TRHDE: variants seen among roughly 807,000 people sequenced by gnomAD.
TRHDE encodes the protein thyrotropin releasing hormone degrading enzyme, also known as thyrotropin-releasing hormone-degrading ectoenzyme.
In TRHDE, 72 loss-of-function variants were observed where a neutral mutation model predicts 125.7. That is an observed-to-expected ratio of 0.57 (90% CI 0.47 to 0.70). TRHDE has a LOEUF of 0.70. Among genes scored for constraint, TRHDE ranks in the 30% least tolerant of loss-of-function variants. The pLI is 0.00. For missense variants in TRHDE, 1,110 were observed against 1,327.1 expected, an observed-to-expected ratio of 0.84 and a Z score of 2.54; for synonymous variants, 509 against 509.1, an observed-to-expected ratio of 1.00 and a Z score of 0.00.
rs553447648 is a variant in TRHDE at position 72,504,139 on chromosome 12, C to G, written c.1722+4504C>G. ...GGAGTAGAGGGGAACTGTAAAAAAA[C>G]AAGAAAATCATTCTTTAGAGGAAGC... is the stretch of plus-strand genomic sequence containing the variant. On this transcript the variant is annotated intron_variant, in intron 6 of 18. Transcript: ENST00000261180. Among the ~76,000 whole-genome samples the G allele has an allele frequency of 3.6e-4, 54 of 151,920 alleles. 1 individual carries two copies. In the South Asian group the frequency reaches 0.011, roughly 31 times the overall value.
chr12:72,343,936 C>T (rs187241599), intron 2 of TRHDE, among the ~76,000 whole-genome samples: 1 of 151,884 alleles, frequency 6.6e-6, no homozygotes, highest in African/African-American at 2.4e-5. Flanking sequence ...TCTGTCTAAA[C>T]CAGTTTTATG....
At chr12:72,644,351 C>T (rs879076441) in intron 15 of TRHDE, among the ~76,000 whole-genome samples, 2 of 152,104 alleles carry the variant, frequency 1.3e-5, no homozygotes, top group Admixed American at 1.3e-4. Flanking sequence ...AGAAGACTGG[C>T]TTCTGTCTTG....
rs1872483104 is a variant in TRHDE, at chr12:72,607,238, C to T, written c.2322-11653C>T. Among the ~76,000 whole-genome samples, 5 of 152,302 alleles carry T rather than the reference C, an allele frequency of 3.3e-5. No individual in the cohort carries two copies. The South Asian group carries it at 1.0e-3, about 32-fold the overall frequency. ...TATGTGTTCCTCTGTCCCCTCTTTTCCCTGTAAATCGGTAACTGAATCTAG... is the reference window on the plus strand; with the variant it reads ...TATGTGTTCCTCTGTCCCCTCTTTTTCCTGTAAATCGGTAACTGAATCTAG... On this transcript the variant is annotated intron_variant, in intron 12 of 18. Coordinates refer to ENST00000261180, the MANE Select transcript of TRHDE (RefSeq NM_013381.3).
chr12:72,628,569 A>T (rs1213001050), intron 15 of TRHDE, among the ~76,000 whole-genome samples: 1 of 151,862 alleles, frequency 6.6e-6, no homozygotes, highest in African/African-American at 2.4e-5. Flanking sequence ...GAGGAGCAAA[A>T]ATCCCAGTAA....
intron 2 of TRHDE, among the ~76,000 whole-genome samples, chr12:72,296,549 ATAGC>A (rs1880306715): frequency 6.6e-6 from 1 of 151,158 alleles, no homozygotes; most frequent in Non-Finnish European, 1.5e-5. Flanking sequence ...CATAGCTAGG[ATAGC>A]TAGGTAGGGC....
At chr12:72,600,974 C>T (rs1051294191) in intron 12 of TRHDE, among the ~76,000 whole-genome samples, 21 of 152,014 alleles carry the variant, frequency 1.4e-4, no homozygotes, top group Non-Finnish European at 7.4e-5. Flanking sequence ...ATAATTTTGA[C>T]TTTTAAGTCT....
At chr12:72,603,603 T>C (rs1002833213) in intron 12 of TRHDE, among the ~76,000 whole-genome samples, 2 of 152,018 alleles carry the variant, frequency 1.3e-5, no homozygotes, top group African/African-American at 4.8e-5. Context: ...CAGGCGCCTG[T>C]AGTCCCAGCT....
chr12:72,635,677 G>A (rs1276961704), intron 15 of TRHDE, among the ~76,000 whole-genome samples: 1 of 150,130 alleles, frequency 6.7e-6, no homozygotes, highest in African/African-American at 2.4e-5. Flanking sequence ...ATTGATTTTT[G>A]TATAAGGTGT....
chr12:72,434,872 T>C (rs952120791), intron 3 of TRHDE, among the ~76,000 whole-genome samples: 2 of 152,180 alleles, frequency 1.3e-5, no homozygotes, highest in African/African-American at 4.8e-5. Flanking sequence ...GTTTCTCCCT[T>C]TGTAAGGTAC....
At chr12:72,295,664 T>TGATATTCTG (rs1348966744) in intron 2 of TRHDE, among the ~76,000 whole-genome samples, 1 of 152,174 alleles carries the variant, frequency 6.6e-6, no homozygotes, top group Non-Finnish European at 1.5e-5. Flanking sequence ...TTTCTAGATG[T>TGATATTCTG]GATATTCTGT....
intron 15 of TRHDE, among the ~76,000 whole-genome samples, chr12:72,648,801 A>G (rs1169418118): frequency 6.6e-6 from 1 of 152,144 alleles, no homozygotes; most frequent in Non-Finnish European, 1.5e-5. Context: ...AAATACAAAA[A>G]TAAACTTTCA....
At chr12:72,188,418 A>G (rs772462454) in intron 2 of TRHDE, among the ~76,000 whole-genome samples, 1 of 152,260 alleles carries the variant, frequency 6.6e-6, no homozygotes, top group African/African-American at 2.4e-5. Context: ...TATCTCAGCT[A>G]TCAAGATCTG....
At chr12:72,128,358 G>C (rs1875774513) in intron 2 of TRHDE, among the ~76,000 whole-genome samples, 1 of 152,020 alleles carries the variant, frequency 6.6e-6, no homozygotes, top group Non-Finnish European at 1.5e-5. Context: ...AACATTCATA[G>C]AAACACAAAA....
intron 15 of TRHDE, among the ~76,000 whole-genome samples, chr12:72,629,899 C>G (rs915326081): frequency 1.3e-5 from 2 of 151,372 alleles, no homozygotes; most frequent in African/African-American, 4.8e-5. Flanking sequence ...ATATAATTCA[C>G]TCTATTTCAA....
At position 72,449,765 on chromosome 12, in the gene TRHDE, C is replaced by A. The variant is rs193129459; in HGVS notation, c.1316-19993C>A. Among the ~76,000 whole-genome samples the A allele has an allele frequency of 1.4e-3, 220 of 152,040 alleles. 1 individual carries two copies. The highest frequency in any genetic ancestry group is 2.3e-3 in the Non-Finnish European group (156 of 67,880). On this transcript the variant is annotated intron_variant, in intron 3 of 18. Coordinates refer to ENST00000261180, the MANE Select transcript of TRHDE (RefSeq NM_013381.3). ...ACAGTCATGGTGTTATGGGAAGGAA[C>A]TTTTGTTATTACTTTTCCTTTACTA...
chr12:72,144,072 A>G (rs1250920552), intron 2 of TRHDE, among the ~76,000 whole-genome samples: 1 of 152,160 alleles, frequency 6.6e-6, no homozygotes. Flanking sequence ...TTCTAATTTT[A>G]CTAGCAACTG....
chr12:72,201,594 C>CT (rs1435466128), intron 2 of TRHDE, among the ~76,000 whole-genome samples: 2 of 151,946 alleles, frequency 1.3e-5, no homozygotes, highest in African/African-American at 4.8e-5. Flanking sequence ...GTGAAGCATG[C>CT]TGGGAGGTGA....
chr12:72,510,128 A>C (rs548477831), intron 6 of TRHDE, among the ~76,000 whole-genome samples: 1 of 152,264 alleles, frequency 6.6e-6, no homozygotes, highest in South Asian at 2.1e-4. Context: ...CTCCTGCCTC[A>C]GGCACAATTA....
At chr12:72,204,733 A>C (rs1210952063) in intron 2 of TRHDE, among the ~76,000 whole-genome samples, 3 of 152,228 alleles carry the variant, frequency 2.0e-5, no homozygotes, top group Non-Finnish European at 2.9e-5. Flanking sequence ...TGAATAAAAG[A>C]CTTTGATAAT....
Sources: gnomAD v4.1 joint callset for allele counts (sites outside exome capture counted in the v4.1 genomes callset) on GRCh38, gnomAD v4.1.1 for gene constraint, MANE v1.5 for transcripts, NCBI Gene and HGNC (gene_info 2026-07-23, HGNC 2026-07-21) for gene names.